Variants in HUNK observed in about 807,000 individuals in gnomAD.
HUNK encodes the protein hormonally up-regulated Neu-associated kinase.
In HUNK, 21 loss-of-function variants were observed where a neutral mutation model predicts 61.0. The ratio of observed to expected loss-of-function variants is 0.34; its 90% CI spans 0.24 to 0.50. The LOEUF is 0.50. Among genes scored for constraint, HUNK ranks in the 20% least tolerant of loss-of-function variants. The pLI is 0.98. For synonymous variants in HUNK, 371 were observed against 386.1 expected (o/e 0.96, Z 0.46); for missense variants, 772 against 945.7 (o/e 0.82, Z 2.41).
intron 1 of HUNK, among the ~76,000 whole-genome samples, chr21:31,913,519 G>A (rs1259429597): frequency 2.6e-5 from 4 of 152,086 alleles, no homozygotes; most frequent in South Asian, 2.1e-4. Flanking sequence ...GGATGTTACA[G>A]TAGGGCCACC....
chr21:31,917,695 TACACACAC>T (rs3056146), intron 1 of HUNK, among the ~76,000 whole-genome samples: 7,362 of 94,834 alleles, frequency 0.078, 203 homozygotes, highest in Non-Finnish European at 0.1. Flanking sequence ...TTCCCAAACA[TACACACAC>T]ACACACACAC....
chr21:31,988,895 A>G (rs1024634253), intron 8 of HUNK, among the ~76,000 whole-genome samples: 1 of 150,154 alleles, frequency 6.7e-6, no homozygotes. Context: ...CAGTGACACA[A>G]TCATATTTCA....
chr21:31,980,321 C>T (rs973722211), intron 7 of HUNK, among the ~76,000 whole-genome samples: 36 of 151,132 alleles, frequency 2.4e-4, no homozygotes, highest in Non-Finnish European at 3.5e-4. Flanking sequence ...CTGCCCGCAT[C>T]GGCCTCCCAA....
rs752743302 is a variant in HUNK, at chr21:31,998,865, C to T, written c.1826C>T (p.Ser609Leu). ...LSPGLPSGSM[S>L]PLHTPLHPTL... ...CCGGGTCTGCCATCCGGAAGCATGT[C>T]GCCTCTCCATACTCCTTTGCATCCA... Residue 609 changes from serine to leucine, a missense_variant, in exon 11 of 11, where the codon TCG (serine) becomes TTG (leucine). Ser to Leu is a moderately radical substitution (Grantham distance 145, BLOSUM62 -2). Coordinates refer to ENST00000270112, the MANE Select transcript of HUNK (RefSeq NM_014586.2). 7.1e-5 allele frequency: 114 copies of T among 1,614,080 alleles called. No individual in the cohort carries two copies. The highest frequency in any genetic ancestry group is 8.9e-5 in the Non-Finnish European group (105 of 1,180,046).
intron 1 of HUNK, among the ~76,000 whole-genome samples, chr21:31,889,695 A>G (rs1433690112): frequency 3.3e-5 from 5 of 152,194 alleles, no homozygotes; most frequent in Admixed American, 1.3e-4. Flanking sequence ...TGACATAATA[A>G]AACTTGAATT....
intron 9 of HUNK, among the ~76,000 whole-genome samples, chr21:31,995,039 G>A (rs528783726): frequency 6.6e-6 from 1 of 151,870 alleles, no homozygotes; most frequent in Non-Finnish European, 1.5e-5. Context: ...CACACCTGTA[G>A]TCCCAGCTAC....
At position 31,999,087 on chromosome 21, in the gene HUNK, C is replaced by A. The variant is rs771367316; in HGVS notation, c.2048C>A (p.Ala683Glu). 6.2e-7 allele frequency: 1 copy of A among 1,614,242 alleles called. No homozygotes were observed. The highest frequency in any genetic ancestry group is 2.2e-5 in the East Asian group (1 of 44,876). Residue 683 changes from alanine to glutamate, a missense_variant, in exon 11 of 11, where the codon GCA (alanine) becomes GAA (glutamate). By Grantham distance (107) the Ala-to-Glu change is moderately radical. Transcript: ENST00000270112. ...CGCCATCAGAGTCTGCAGCCATCTG[C>A]AGATAGGCCCCTGGAGGCCAGCCTG... ...RKRHQSLQPS[A>E]DRPLEASLPP...
intron 1 of HUNK, among the ~76,000 whole-genome samples, chr21:31,894,910 A>G (rs1002331340): frequency 3.3e-5 from 5 of 152,212 alleles, no homozygotes; most frequent in Non-Finnish European, 7.3e-5. Context: ...TCTGATCTGC[A>G]CCCAGTAGTT....
intron 3 of HUNK, among the ~76,000 whole-genome samples, chr21:31,943,991 T>C (rs2052785685): frequency 1.3e-5 from 2 of 152,258 alleles, no homozygotes; most frequent in Non-Finnish European, 1.5e-5. Context: ...ACACATTTGT[T>C]TGTTCATTAA....
intron 1 of HUNK, among the ~76,000 whole-genome samples, chr21:31,884,357 C>T (rs957163228): frequency 6.6e-5 from 10 of 151,980 alleles, no homozygotes; most frequent in African/African-American, 2.2e-4. Context: ...TTTGGGAGGG[C>T]GAGGTGGGTG....
In HUNK at chr21:31,945,939, C is replaced by A. The variant is rs902023125; in HGVS notation, c.611-97C>A. ...GATGTGTTAGCCTGAGAGAATGTTTCCTTTCCTGCTGCCCTTTTTATTTTT... is the reference window on the plus strand; with the variant it reads ...GATGTGTTAGCCTGAGAGAATGTTTACTTTCCTGCTGCCCTTTTTATTTTT... On this transcript the variant is annotated intron_variant, in intron 3 of 10. Coordinates refer to ENST00000270112, the MANE Select transcript of HUNK (RefSeq NM_014586.2). 6 of 1,214,450 alleles carry A rather than the reference C, an allele frequency of 4.9e-6. No homozygotes were observed. The African/African-American group carries it at 9.1e-5, about 18-fold the overall frequency. The allele number at this position is 1,214,450 out of a possible 1,614,324, so 75.2% of individuals were successfully genotyped here.
chr21:31,961,231 G>GT (rs71193161), intron 5 of HUNK, among the ~76,000 whole-genome samples: 22,607 of 148,896 alleles, frequency 0.15, 2,082 homozygotes, highest in Non-Finnish European at 0.22. Flanking sequence ...AATCTGAGCT[G>GT]TTTTTTTTTT....
At chr21:31,900,253 A>G (rs1339188203) in intron 1 of HUNK, among the ~76,000 whole-genome samples, 1 of 151,888 alleles carries the variant, frequency 6.6e-6, no homozygotes, top group Non-Finnish European at 1.5e-5. Context: ...TTCCAGCCCC[A>G]CTGAAATGCC....
chr21:31,926,782 G>A (rs752038816), intron 2 of HUNK, among the ~76,000 whole-genome samples: 5 of 152,078 alleles, frequency 3.3e-5, no homozygotes, highest in South Asian at 2.1e-4. Context: ...TGCTATGAGC[G>A]CTGTTTTCAC....
At chr21:31,874,464 A>T (rs548854753) in intron 1 of HUNK, among the ~76,000 whole-genome samples, 104 of 152,128 alleles carry the variant, frequency 6.8e-4, no homozygotes, top group African/African-American at 2.3e-3. Flanking sequence ...GGGCTCCGGC[A>T]GCTAGGGAAT....
intron 1 of HUNK, among the ~76,000 whole-genome samples, chr21:31,896,922 T>G (rs1365145121): frequency 6.6e-6 from 1 of 152,226 alleles, no homozygotes; most frequent in African/African-American, 2.4e-5. Flanking sequence ...ATTAGTTGCC[T>G]ATGGCTACCA....
rs184236454 is a variant in HUNK at position 31,931,335 on chromosome 21, T to C, written c.554+6575T>C. Among the ~76,000 whole-genome samples, 189 of 152,222 alleles carry C rather than the reference T, an allele frequency of 1.2e-3. 1 individual carries two copies. The highest frequency in any genetic ancestry group is 2.2e-3 in the Non-Finnish European group (150 of 68,018). ...TTTGCTTATGGCCAAATTAATCACC[T>C]CTTTTAAGTATTTTCTGGAGTCTTT... On this transcript the variant is annotated intron_variant, in intron 2 of 10. Coordinates refer to ENST00000270112, the MANE Select transcript of HUNK (RefSeq NM_014586.2).
At chr21:31,887,503 C>T (rs542522609) in intron 1 of HUNK, among the ~76,000 whole-genome samples, 2 of 152,194 alleles carry the variant, frequency 1.3e-5, no homozygotes, top group Non-Finnish European at 2.9e-5. Context: ...GGGCTCCCTC[C>T]CTGCATCACC....
chr21:31,921,793 T>C (rs997809544), intron 1 of HUNK, among the ~76,000 whole-genome samples: 2 of 152,232 alleles, frequency 1.3e-5, no homozygotes, highest in Non-Finnish European at 2.9e-5. Context: ...TGCCTTTAGT[T>C]TGGACTTTTT....
Sources: allele counts gnomAD v4.1 joint callset (sites outside exome capture counted in the v4.1 genomes callset), GRCh38; gene constraint gnomAD v4.1.1; transcripts MANE v1.5; gene names NCBI Gene and HGNC (gene_info 2026-07-23, HGNC 2026-07-21).